The following EHD2 variants were observed in gnomAD, a reference collection of about 807,000 sequenced individuals.
EHD2 encodes the protein EH domain containing 2.
A neutral mutation model predicts 41.0 loss-of-function variants in EHD2; 27 were observed. The ratio of observed to expected loss-of-function variants is 0.66; its 90% confidence interval spans 0.49 to 0.91. EHD2 has a LOEUF of 0.91. Ranked by LOEUF, EHD2 falls within the 40% of genes least tolerant of loss-of-function variation. The pLI, the probability that EHD2 is intolerant of heterozygous loss-of-function variation, is 0.00. For missense variants in EHD2, 673 were observed against 773.9 expected, an observed-to-expected ratio of 0.87 and a Z score of 1.55; for synonymous variants, 342 against 341.0, an observed-to-expected ratio of 1.00 and a Z score of -0.03.
Position 47,742,380 on chromosome 19 carries a change from C to T in EHD2, c.*948C>T. Reference sequence around the variant, plus strand: ...CTCCACCTCCTGGGTTGAAGTGATTCTCGTGCCTCAGCCTCCTGAGTAGCT... The same window carrying T: ...CTCCACCTCCTGGGTTGAAGTGATTTTCGTGCCTCAGCCTCCTGAGTAGCT... On this transcript the variant is annotated 3_prime_UTR_variant, in exon 6 of 6. Coordinates refer to ENST00000263277, the MANE Select transcript of EHD2 (RefSeq NM_014601.4). 5.3e-6 allele frequency: 1 copy of T among 189,524 alleles called. No homozygotes were observed. The highest frequency in any genetic ancestry group is 1.9e-4 in the East Asian group (1 of 5,390). 11.7% of individuals were successfully genotyped at this position (189,524 alleles called of 1,614,324 possible).
intron 4 of EHD2, among the ~76,000 whole-genome samples, chr19:47,734,772 G>C (rs551907672): frequency 6.6e-6 from 1 of 151,640 alleles, no homozygotes; most frequent in Admixed American, 6.6e-5. Context: ...GATTTCTAGA[G>C]CCGGACGGGG....
chr19:47,742,206 T>C lies in EHD2; in HGVS notation c.*774T>C. ...CCAATTCTGCCCATACCCATTTCTT[T>C]CTTTCCTTCCTTCCTTCTTTTTTGT... On this transcript the variant is annotated 3_prime_UTR_variant, in exon 6 of 6. Transcript: ENST00000263277. 3.0e-6 allele frequency: 1 copy of C among 329,062 alleles called. No individual in the cohort carries two copies. Among genetic ancestry groups the C allele is most frequent in the Middle Eastern group, 1.0e-3 (1 of 970 alleles). The allele number at this position is 329,062 out of a possible 1,614,324, so 20.4% of individuals were successfully genotyped here.
chr19:47,735,806 T>G (rs1966915442), intron 4 of EHD2, among the ~76,000 whole-genome samples: 1 of 151,270 alleles, frequency 6.6e-6, no homozygotes, highest in Non-Finnish European at 1.5e-5. Context: ...CTTGGGAGGC[T>G]GAGGCAGAAG....
intron 1 of EHD2, among the ~76,000 whole-genome samples, chr19:47,714,826 G>A (rs556072565): frequency 1.3e-5 from 2 of 152,118 alleles, no homozygotes; most frequent in African/African-American, 4.8e-5. Flanking sequence ...CCTGAGCTCA[G>A]GAGTTCGAGA....
chr19:47,727,863 G>C (rs917751499), intron 4 of EHD2, among the ~76,000 whole-genome samples: 8 of 152,064 alleles, frequency 5.3e-5, no homozygotes, highest in Admixed American at 6.6e-5. Flanking sequence ...GGAGGCCGAG[G>C]GGGGAGCAGA....
chr19:47,723,883 T>C (rs1973723360), intron 3 of EHD2, among the ~76,000 whole-genome samples: 1 of 151,920 alleles, frequency 6.6e-6, no homozygotes, highest in Non-Finnish European at 1.5e-5. Flanking sequence ...CAGGGTCTTG[T>C]CATCTTGCCC....
At position 47,741,458 on chromosome 19, in the gene EHD2, T is replaced by G; in HGVS notation, c.*26T>G. On this transcript the variant is annotated 3_prime_UTR_variant, in exon 6 of 6. Coordinates refer to ENST00000263277, the MANE Select transcript of EHD2 (RefSeq NM_014601.4). This position sits in a 1 kb window ranked among gnomAD's most constrained non-coding sequence, Gnocchi z 4.5. ...GCCGGCCCCCCTCCCATGGCCCTGCTGTGGCTCCCCAGCTCCAGTCGGCTG... is the reference window on the plus strand; with the variant it reads ...GCCGGCCCCCCTCCCATGGCCCTGCGGTGGCTCCCCAGCTCCAGTCGGCTG... 2 of 1,546,474 alleles carry G rather than the reference T, an allele frequency of 1.3e-6. No homozygotes were observed. The highest frequency in any genetic ancestry group is 1.7e-6 in the Non-Finnish European group (2 of 1,152,966).
rs771914971 is a variant in EHD2 at position 47,718,501 on chromosome 19, G to GC, written c.405-3dup. 1.1e-5 allele frequency: 17 copies of GC among 1,569,454 alleles called. No individual in the cohort carries two copies. The African/African-American group carries it at 2.2e-4, about 20-fold the overall frequency. Reference sequence around the variant, plus strand: ...CCTGTTGACCCCTGACCCTCCCTCTGCCCCCAGGTTCATGTGTGCCCAGCT... The same window carrying GC: ...CCTGTTGACCCCTGACCCTCCCTCTGCCCCCCAGGTTCATGTGTGCCCAGCT... On this transcript the variant is annotated splice_region_variant and splice_polypyrimidine_tract_variant and intron_variant, in intron 2 of 5. Transcript: ENST00000263277.
intron 2 of EHD2, 86 bp downstream of exon 2, chr19:47,717,102 C>A: frequency 6.5e-7 from 1 of 1,540,022 alleles, no homozygotes; most frequent in Non-Finnish European, 8.8e-7. Flanking sequence ...GGCTGGAGTG[C>A]AGTGGTGCGA....
At chr19:47,726,801 C>A (rs1362184419) in intron 4 of EHD2, among the ~76,000 whole-genome samples, 1 of 152,116 alleles carries the variant, frequency 6.6e-6, no homozygotes, top group Non-Finnish European at 1.5e-5. Flanking sequence ...CTTAGCCTGC[C>A]CCAAGTAGCT....
intron 1 of EHD2, among the ~76,000 whole-genome samples, chr19:47,714,870 C>A (rs1973608905): frequency 6.6e-6 from 1 of 151,700 alleles, no homozygotes; most frequent in South Asian, 2.1e-4. Flanking sequence ...CCCATCTCTA[C>A]TAAAAATACA....
intron 4 of EHD2, among the ~76,000 whole-genome samples, chr19:47,734,286 G>T (rs1017093455): frequency 5.3e-5 from 8 of 151,646 alleles, no homozygotes; most frequent in Non-Finnish European, 8.8e-5. Context: ...ACTGAGCCGA[G>T]ATTGTGCCAC....
intron 4 of EHD2, 175 bp downstream of exon 4, chr19:47,726,399 C>T (rs902765884): frequency 1.5e-6 from 1 of 649,742 alleles, no homozygotes; most frequent in African/African-American, 1.8e-5. Context: ...AGACTCATTC[C>T]TCTGCCTTTG....
chr19:47,717,864 TGCCA>T (rs1208694158), intron 2 of EHD2, among the ~76,000 whole-genome samples: 1 of 138,570 alleles, frequency 7.2e-6, no homozygotes, highest in Non-Finnish European at 1.5e-5. Flanking sequence ...GCCGAGACCG[TGCCA>T]CTGCATTCCA....
intron 4 of EHD2, among the ~76,000 whole-genome samples, chr19:47,730,612 T>G (rs917497791): frequency 2.6e-5 from 4 of 152,156 alleles, no homozygotes; most frequent in Non-Finnish European, 4.4e-5. Context: ...CTGGACTCTC[T>G]GGGAGGAGGC....
Position 47,740,863 on chromosome 19 carries a change from C to G in EHD2, c.1081-18C>G. 1 of 1,610,004 alleles carries G rather than the reference C, an allele frequency of 6.2e-7. No individual in the cohort carries two copies. The highest frequency in any genetic ancestry group is 8.5e-7 in the Non-Finnish European group (1 of 1,179,168). ...ATGGCGCCGCTTGAATTCTGGGTGC[C>G]CCTGTCCCCCACCACAGGAGCTGCT... On this transcript the variant is annotated intron_variant, in intron 5 of 5. Transcript: ENST00000263277.
chr19:47,721,727 G>A (rs1373559141), intron 3 of EHD2, among the ~76,000 whole-genome samples: 4 of 151,988 alleles, frequency 2.6e-5, no homozygotes, highest in Non-Finnish European at 5.9e-5. Context: ...GTTCACGCCT[G>A]TAATCCCAGC....
Position 47,741,073 on chromosome 19 carries a change from CG to C in EHD2, c.1277del (p.Gly426AspfsTer21). The C allele has an allele frequency of 1.2e-6, 2 of 1,609,486 alleles. No homozygotes were observed. The highest frequency in any genetic ancestry group is 1.7e-6 in the Non-Finnish European group (2 of 1,179,532). ...EGTHMGPFVE[R>X]GPDEAMEDGE... ...CACCCACATGGGCCCGTTTGTGGAG[CG>C]GGGACCTGACGAGGCCATGGAGGAC... On this transcript the variant is annotated frameshift_variant, in exon 6 of 6. Transcript: ENST00000263277. LOFTEE classifies it high-confidence loss of function. The surrounding 1 kb of genome is among the most constrained non-coding windows in gnomAD (Gnocchi z 4.5).
rs1966990862 is a variant in EHD2 at position 47,741,549 on chromosome 19, G to T, written c.*117G>T. 3 of 1,232,792 alleles carry T rather than the reference G, an allele frequency of 2.4e-6. No individual in the cohort carries two copies. In the East Asian group the frequency reaches 7.6e-5, roughly 31 times the overall value. 76.4% of individuals were successfully genotyped at this position (1,232,792 alleles called of 1,614,324 possible). ...CCTCCCTGCCCAGCTGTAAGGACCG[G>T]GGGTCTCCCTCCTCACTACCGCCAG... is the stretch of plus-strand genomic sequence containing the variant. On this transcript the variant is annotated 3_prime_UTR_variant, in exon 6 of 6. Coordinates refer to ENST00000263277, the MANE Select transcript of EHD2 (RefSeq NM_014601.4). The surrounding 1 kb of genome is among the most constrained non-coding windows in gnomAD (Gnocchi z 4.5).
Sources: gnomAD v4.1 joint callset for allele counts (sites outside exome capture counted in the v4.1 genomes callset) on GRCh38, gnomAD v4.1.1 for gene constraint, Gnocchi (gnomAD v3.1) non-coding constraint, MANE v1.5 for transcripts, NCBI Gene and HGNC (gene_info 2026-07-23, HGNC 2026-07-21) for gene names.